Variants in ZNF549 observed in about 807,000 individuals in gnomAD.
The protein encoded by ZNF549 is zinc finger protein 549.
A neutral mutation model predicts 11.1 loss-of-function variants in ZNF549; 11 were observed. That is an observed-to-expected ratio of 0.99 (90% CI 0.62 to 1.64). The LOEUF is 1.64. Ranked by LOEUF, ZNF549 falls within the 40% of genes most tolerant of loss-of-function variation. The pLI is 0.00. For synonymous variants in ZNF549, 266 were observed against 269.1 expected (o/e 0.99, Z 0.11); for missense variants, 748 against 765.1 (o/e 0.98, Z 0.26).
At position 57,538,469 on chromosome 19, in the gene ZNF549, C is replaced by A; in HGVS notation, c.1465C>A (p.Leu489Ile). The change falls in exon 4 of 4, where the codon CTT becomes ATT. Residue 489 changes from leucine (L) to isoleucine (I), a missense_variant. Coordinates refer to ENST00000376233, the MANE Select transcript of ZNF549 (RefSeq NM_001199295.2). Reference sequence around the variant, plus strand: ...AGCCTTCATCTCCAAACAAACACTTCTTAAGCATCACAAAATCCACACTAG... The same window carrying A: ...AGCCTTCATCTCCAAACAAACACTTATTAAGCATCACAAAATCCACACTAG... ...GKAFISKQTL[L>I]KHHKIHTRER... The A allele has an allele frequency of 1.2e-6, 2 of 1,614,088 alleles. No individual in the cohort carries two copies. The highest frequency in any genetic ancestry group is 1.7e-6 in the Non-Finnish European group (2 of 1,180,006).
intron 2 of ZNF549, among the ~76,000 whole-genome samples, chr19:57,531,772 C>G (rs1246154601): frequency 6.6e-6 from 1 of 152,150 alleles, no homozygotes; most frequent in Non-Finnish European, 1.5e-5. Context: ...ACGGATGATT[C>G]ACGTCTTGGG....
intron 2 of ZNF549, among the ~76,000 whole-genome samples, chr19:57,533,147 T>C (rs1336119628): frequency 1.3e-5 from 2 of 152,202 alleles, no homozygotes; most frequent in Non-Finnish European, 2.9e-5. Context: ...CATGATGAGC[T>C]CAGTAAAAGG....
chr19:57,540,326 GA>G lies in ZNF549; in HGVS notation c.*1401del, dbSNP rs1212744300. ...AGAGGTAGATGCATATTTTTGTGTG[GA>G]ACCATTTATCTTAAAACATTGAGGT... On this transcript the variant is annotated 3_prime_UTR_variant, in exon 4 of 4. Coordinates refer to ENST00000376233, the MANE Select transcript of ZNF549 (RefSeq NM_001199295.2). 6.6e-6 allele frequency: 1 copy of G among 152,198 alleles called. No individual in the cohort carries two copies. Among genetic ancestry groups the G allele is most frequent in the East Asian group, 1.9e-4 (1 of 5,202 alleles). The allele number at this position is 152,198 out of a possible 1,614,324, so 9.4% of individuals were successfully genotyped here.
chr19:57,527,739 G>A, intron 1 of ZNF549, 133 bp downstream of exon 1: 1 of 1,126,162 alleles, frequency 8.9e-7, no homozygotes, highest in East Asian at 2.6e-5. Context: ...AGAGCTGACG[G>A]GCGGTGAGGT....
chr19:57,539,168 T>C lies in ZNF549; in HGVS notation c.*241T>C. 2.1e-6 allele frequency: 1 copy of C among 480,276 alleles called. No homozygotes were observed. 29.8% of individuals were successfully genotyped at this position (480,276 alleles called of 1,614,324 possible). ...TCACCGTTTTCATCAGTCACTCACA[T>C]GTGCTCAAGGAATGCAGACCACTGT... On this transcript the variant is annotated 3_prime_UTR_variant, in exon 4 of 4. Transcript: ENST00000376233.
Position 57,538,827 on chromosome 19 carries a change from C to T in ZNF549, c.1823C>T (p.Thr608Ile). The T allele has an allele frequency of 1.1e-5, 17 of 1,614,084 alleles. No homozygotes were observed. The highest frequency in any genetic ancestry group is 1.4e-5 in the Non-Finnish European group (17 of 1,180,032). Residue 608 changes from threonine (T) to isoleucine (I), a missense_variant, in exon 4 of 4, where the codon ACC becomes ATC. Thr to Ile is a moderately conservative substitution (Grantham distance 89). Transcript: ENST00000376233. ...CTTGTTGAGCATCAGCGAATCCACA[C>T]CGGAGAAAAGCCGTATGAATGTGGT... ...NKLVEHQRIH[T>I]GEKPYECGKC...
Position 57,531,107 on chromosome 19 carries a change from AGGTAAGTGGAAGAAG to A in ZNF549, c.72_72+14del. 1 of 1,598,362 alleles carries A rather than the reference AGGTAAGTGGAAGAAG, an allele frequency of 6.3e-7. No homozygotes were observed. The highest frequency in any genetic ancestry group is 1.1e-5 in the South Asian group (1 of 91,078). On this transcript the variant is annotated splice_donor_variant and splice_donor_5th_base_variant and coding_sequence_variant and intron_variant, in exon 2 of 4. Coordinates refer to ENST00000376233, the MANE Select transcript of ZNF549 (RefSeq NM_001199295.2). LOFTEE classifies it high-confidence loss of function. The stretch of plus-strand genomic sequence containing the variant: ...ACAGAAGAGTTTGTGAAACCATCAC[AGGTAAGTGGAAGAAG>A]TCCCAGGTCTTCACTGGCCCTGTTC...
chr19:57,537,175 A>G (rs941567626), intron 3 of ZNF549, 29 bp from the exon 4 acceptor site: 2 of 1,591,518 alleles, frequency 1.3e-6, no homozygotes, highest in Admixed American at 1.7e-5. Flanking sequence ...AAGTCTGCAT[A>G]TACTTCACTT....
intron 2 of ZNF549, among the ~76,000 whole-genome samples, chr19:57,531,446 A>G (rs1444681635): frequency 2.6e-5 from 4 of 152,230 alleles, no homozygotes; most frequent in African/African-American, 9.6e-5. Flanking sequence ...CAGAACTAAC[A>G]TGAGTTTCTT....
Position 57,537,187 on chromosome 19 carries a change from CA to C in ZNF549, c.200-16del. 6.3e-7 allele frequency: 1 copy of C among 1,598,336 alleles called. No individual in the cohort carries two copies. Among genetic ancestry groups the C allele is most frequent in the Non-Finnish European group, 8.5e-7 (1 of 1,171,344 alleles). Reference sequence around the variant, plus strand: ...CCAAAGTCTGCATATACTTCACTTGCATTTTTATGCTTTTAGGTTGTTTGCA... The same window carrying C: ...CCAAAGTCTGCATATACTTCACTTGCTTTTTATGCTTTTAGGTTGTTTGCA... On this transcript the variant is annotated splice_polypyrimidine_tract_variant and intron_variant, in intron 3 of 3. Transcript: ENST00000376233.
At position 57,538,107 on chromosome 19, in the gene ZNF549, A is replaced by G. The variant is rs1363642543; in HGVS notation, c.1103A>G (p.Lys368Arg). The change falls in exon 4 of 4, where the codon AAA becomes AGA. Residue 368 changes from lysine (K) to arginine (R), a missense_variant. Transcript: ENST00000376233. ...CCTTATGTGTGTATGGAATGTGGGA[A>G]ATCTTTTATTCATTCCTATGACCGC... is the stretch of plus-strand genomic sequence containing the variant. The part of the protein sequence containing the change: ...ERPYVCMECG[K>R]SFIHSYDRIR... 5.6e-6 allele frequency: 9 copies of G among 1,614,186 alleles called. No homozygotes were observed. The highest frequency in any genetic ancestry group is 7.6e-6 in the Non-Finnish European group (9 of 1,180,032).
chr19:57,530,079 G>A (rs1157851399), intron 1 of ZNF549, among the ~76,000 whole-genome samples: 2 of 152,038 alleles, frequency 1.3e-5, no homozygotes, highest in Admixed American at 1.3e-4. Context: ...AGCTGATAAG[G>A]GAAGACTTCT....
Position 57,538,357 on chromosome 19 carries a change from G to T in ZNF549, c.1353G>T (p.Gly451=). Residue 451 remains glycine (G), a synonymous_variant, in exon 4 of 4, where the codon GGG becomes GGT. Transcript: ENST00000376233. ...GEKPYVCIIC[G]KSFIRSSDYM... is the part of the protein sequence containing the mutation. ...AGCCTTATGTGTGCATCATATGTGG[G>T]AAATCATTTATCCGCTCGTCTGACT... 1 of 1,613,868 alleles carries T rather than the reference G, an allele frequency of 6.2e-7. No homozygotes were observed.
In ZNF549 at chr19:57,540,235, G is replaced by C. The variant is rs1600167458; in HGVS notation, c.*1308G>C. On this transcript the variant is annotated 3_prime_UTR_variant, in exon 4 of 4. Transcript: ENST00000376233. ...CTGAGAAGGCTGTCCTTCCTAACTT[G>C]TGAGGAGATGAATCCTTAATAATAA... is the stretch of plus-strand genomic sequence containing the variant. 6.6e-6 allele frequency: 1 copy of C among 152,306 alleles called. No individual in the cohort carries two copies. The highest frequency in any genetic ancestry group is 1.9e-4 in the East Asian group (1 of 5,190). 9.4% of individuals were successfully genotyped at this position (152,306 alleles called of 1,614,324 possible).
In ZNF549 at chr19:57,527,417, A is replaced by T. The variant is rs572590485; in HGVS notation, c.-157A>T. ...GTTTCCGGCTCGCTGGGTCCGGGCC[A>T]GGTAACTGGAGCCGGAAACCGGTGG... is the stretch of plus-strand genomic sequence containing the variant. On this transcript the variant is annotated 5_prime_UTR_variant, in exon 1 of 4. Coordinates refer to ENST00000376233, the MANE Select transcript of ZNF549 (RefSeq NM_001199295.2). 3.8e-6 allele frequency: 4 copies of T among 1,064,682 alleles called. No homozygotes were observed. The East Asian group carries it at 1.1e-4, about 28-fold the overall frequency. The allele number at this position is 1,064,682 out of a possible 1,614,324, so 66.0% of individuals were successfully genotyped here.
At position 57,539,258 on chromosome 19, in the gene ZNF549, G is replaced by C. The variant is rs973194374; in HGVS notation, c.*331G>C. The stretch of plus-strand genomic sequence containing the variant: ...GTTGAGGGTCCTCTTCCATCTTGCT[G>C]AACTGTTCGAGGCAAAGACAAAACC... On this transcript the variant is annotated 3_prime_UTR_variant, in exon 4 of 4. Transcript: ENST00000376233. 4.7e-6 allele frequency: 1 copy of C among 212,048 alleles called. No homozygotes were observed. Among genetic ancestry groups the C allele is most frequent in the Non-Finnish European group, 9.5e-6 (1 of 104,756 alleles). 13.1% of individuals were successfully genotyped at this position (212,048 alleles called of 1,614,324 possible). A position where few individuals can be genotyped will look rare whatever the true frequency, so the allele number is the denominator to read the frequency against.
Position 57,539,020 on chromosome 19 carries a change from C to T in ZNF549, c.*93C>T, listed in dbSNP as rs1185141266. On this transcript the variant is annotated 3_prime_UTR_variant, in exon 4 of 4. Transcript: ENST00000376233. ...CAACAGACAGAAATTCACCCTCATA[C>T]ATCTGCATATCACTAGTTGAAAGAT... 3 of 1,349,722 alleles carry T rather than the reference C, an allele frequency of 2.2e-6. No homozygotes were observed. The highest frequency in any genetic ancestry group is 2.0e-6 in the Non-Finnish European group (2 of 995,736). The allele number at this position is 1,349,722 out of a possible 1,614,324, so 83.6% of individuals were successfully genotyped here. A position where few individuals can be genotyped will look rare whatever the true frequency, so the allele number is the denominator to read the frequency against.
At chr19:57,532,969 C>T (rs1038783002) in intron 2 of ZNF549, among the ~76,000 whole-genome samples, 45 of 152,154 alleles carry the variant, frequency 3.0e-4, no homozygotes, top group Admixed American at 8.5e-4. Context: ...CTCAACCTCC[C>T]GAGTGGCTGG....
rs755012143 is a variant in ZNF549, at chr19:57,537,681, A to C, written c.677A>C (p.Gln226Pro). The C allele has an allele frequency of 4.3e-6, 7 of 1,614,224 alleles. No homozygotes were observed. In the Admixed American group the frequency reaches 1.2e-4, roughly 27 times the overall value. ...CAACAAAGACGTTACAAATGTGAGCAAGTTTTCAATGAGAAAGTTCATGTT... is the reference window on the plus strand; with the variant it reads ...CAACAAAGACGTTACAAATGTGAGCCAGTTTTCAATGAGAAAGTTCATGTT... ...TFQQRRYKCE[Q>P]VFNEKVHVTE... is the part of the protein sequence containing the mutation. Residue 226 changes from glutamine (Q) to proline (P), a missense_variant, in exon 4 of 4, where the codon CAA becomes CCA. Coordinates refer to ENST00000376233, the MANE Select transcript of ZNF549 (RefSeq NM_001199295.2).
Sources: allele counts gnomAD v4.1 joint callset (sites outside exome capture counted in the v4.1 genomes callset), GRCh38; gene constraint gnomAD v4.1.1; transcripts MANE v1.5; gene names NCBI Gene and HGNC (gene_info 2026-07-23, HGNC 2026-07-21).